Variants in KAZN observed in about 807,000 individuals in gnomAD.
KAZN encodes kazrin, periplakin interacting protein, also known as kazrin.
Under a neutral mutation model 87.4 loss-of-function variants are expected in KAZN, and 40 were observed. The ratio of observed to expected loss-of-function variants is 0.46; its 90% CI spans 0.36 to 0.60. The LOEUF (loss-of-function observed/expected upper bound fraction) is 0.60. Among genes scored for constraint, KAZN ranks in the 20% least tolerant of loss-of-function variants. The pLI is 0.00. For synonymous variants in KAZN, 466 were observed against 458.3 expected (o/e 1.02, Z -0.22); for missense variants, 898 against 1,073.9 (o/e 0.84, Z 2.29).
chr1:14,706,875 A>G (rs1369434740), intron 1 of KAZN, among the ~76,000 whole-genome samples: 4 of 151,978 alleles, frequency 2.6e-5, no homozygotes, highest in Non-Finnish European at 4.4e-5. Context: ...GCCTACTTTC[A>G]CCCACCTCCC....
chr1:14,676,768 G>A (rs966819770), intron 1 of KAZN, among the ~76,000 whole-genome samples: 3 of 152,194 alleles, frequency 2.0e-5, no homozygotes, highest in African/African-American at 7.2e-5. Context: ...GAGTTGGAAA[G>A]CAGATTGGTG....
chr1:15,109,691 GTATGTT>G (rs1641423180), intron 13 of KAZN, among the ~76,000 whole-genome samples: 2 of 151,916 alleles, frequency 1.3e-5, no homozygotes, highest in African/African-American at 4.8e-5. Context: ...GGGTGTATGT[GTATGTT>G]TGTGTATGAG....
At chr1:14,869,820 A>G (rs1327703087) in intron 1 of KAZN, among the ~76,000 whole-genome samples, 1 of 152,198 alleles carries the variant, frequency 6.6e-6, no homozygotes, top group Non-Finnish European at 1.5e-5. Context: ...AGCAGGTTTA[A>G]TTAGCGCACA....
intron 1 of KAZN, among the ~76,000 whole-genome samples, chr1:14,646,765 G>A (rs1282305866): frequency 3.3e-5 from 5 of 152,222 alleles, no homozygotes; most frequent in African/African-American, 9.6e-5. Context: ...GCTAGTCTGA[G>A]TATGTTTCAA....
chr1:15,057,462 A>G (rs1355512175), intron 5 of KAZN, among the ~76,000 whole-genome samples: 3 of 152,208 alleles, frequency 2.0e-5, no homozygotes, highest in Non-Finnish European at 2.9e-5. Context: ...CATCGTCATC[A>G]TCACCATTGT....
intron 1 of KAZN, among the ~76,000 whole-genome samples, chr1:14,936,030 G>A (rs72638395): frequency 0.13 from 19,429 of 152,266 alleles, 1,364 homozygotes; most frequent in Middle Eastern, 0.17. Flanking sequence ...ACGCCTGGAC[G>A]ACATCCGCCC....
intron 2 of KAZN, among the ~76,000 whole-genome samples, chr1:15,002,562 G>A (rs1008766633): frequency 4.6e-5 from 7 of 152,246 alleles, no homozygotes; most frequent in Non-Finnish European, 1.0e-4. Context: ...TTAGTTTCCC[G>A]GAACCTAAGT....
intron 2 of KAZN, among the ~76,000 whole-genome samples, chr1:14,216,807 G>T (rs1364830324): frequency 6.6e-6 from 1 of 152,132 alleles, no homozygotes; most frequent in Non-Finnish European, 1.5e-5. Flanking sequence ...AGGAGGCTGA[G>T]GCTGGAGAAT....
intron 2 of KAZN, among the ~76,000 whole-genome samples, chr1:14,512,965 A>C (rs1670996177): frequency 6.6e-6 from 1 of 152,190 alleles, no homozygotes; most frequent in Non-Finnish European, 1.5e-5. Context: ...TTTAGAGTGC[A>C]TTCCCTTACC....
chr1:14,105,017 G>A (rs146940404), intron 1 of KAZN, among the ~76,000 whole-genome samples: 1 of 152,222 alleles, frequency 6.6e-6, no homozygotes, highest in Non-Finnish European at 1.5e-5. Context: ...GTGGAGGGTG[G>A]TCTTGTTGGA....
chr1:14,066,960 A>G (rs773747518), intron 1 of KAZN, among the ~76,000 whole-genome samples: 2 of 152,112 alleles, frequency 1.3e-5, no homozygotes, highest in Admixed American at 1.3e-4. Context: ...CTCAGCCTAA[A>G]TGTCACTTTC....
intron 2 of KAZN, among the ~76,000 whole-genome samples, chr1:14,460,755 C>T (rs761616058): frequency 2.2e-4 from 34 of 152,294 alleles, no homozygotes; most frequent in Middle Eastern, 3.4e-3. Flanking sequence ...ATAGAGGCTC[C>T]TTGGGAAAAC....
intron 1 of KAZN, among the ~76,000 whole-genome samples, chr1:14,885,439 T>C (rs1653930737): frequency 6.6e-6 from 1 of 152,206 alleles, no homozygotes; most frequent in South Asian, 2.1e-4. Flanking sequence ...CAGGAAAATA[T>C]CTCTGATTCC....
At chr1:14,515,437 G>A (rs978161458) in intron 2 of KAZN, among the ~76,000 whole-genome samples, 2 of 152,320 alleles carry the variant, frequency 1.3e-5, no homozygotes, top group South Asian at 2.1e-4. Flanking sequence ...ACATGGAAGC[G>A]GCTGTCAGTC....
chr1:13,985,960 C>T (rs1477121441), intron 1 of KAZN, among the ~76,000 whole-genome samples: 1 of 152,178 alleles, frequency 6.6e-6, no homozygotes, highest in African/African-American at 2.4e-5. Context: ...CTACTTTTGG[C>T]TATTACGAAT....
At chr1:14,924,974 G>C (rs1025033105) in intron 1 of KAZN, among the ~76,000 whole-genome samples, 2 of 152,220 alleles carry the variant, frequency 1.3e-5, no homozygotes, top group Non-Finnish European at 2.9e-5. Flanking sequence ...GAGTGCCGAG[G>C]GGAGCCCCCT....
At chr1:14,514,608 T>TAATATATGAA (rs1671196430) in intron 2 of KAZN, among the ~76,000 whole-genome samples, 1 of 25,016 alleles carries the variant, frequency 4.0e-5, no homozygotes, top group Non-Finnish European at 7.1e-5. Flanking sequence ...TATATATATA[T>TAATATATGAA]ATATATATAT....
At chr1:14,968,222 A>G (rs1416650583) in intron 2 of KAZN, among the ~76,000 whole-genome samples, 1 of 151,940 alleles carries the variant, frequency 6.6e-6, no homozygotes, top group East Asian at 1.9e-4. Context: ...TCTAATAAGG[A>G]GCACGCAACC....
At chr1:14,814,358 C>T (rs1284377329) in intron 1 of KAZN, among the ~76,000 whole-genome samples, 1 of 152,134 alleles carries the variant, frequency 6.6e-6, no homozygotes, top group African/African-American at 2.4e-5. Flanking sequence ...TCCCGAGTAT[C>T]TCCCACGCCA....
Sources: allele counts gnomAD v4.1 joint callset (sites outside exome capture counted in the v4.1 genomes callset), GRCh38; gene constraint gnomAD v4.1.1; transcripts MANE v1.5; gene names NCBI Gene and HGNC (gene_info 2026-07-23, HGNC 2026-07-21).